The following NYAP2 variants were observed in gnomAD, a reference collection of about 807,000 sequenced individuals.
NYAP2 encodes neuronal tyrosine-phosphorylated phosphoinositide-3-kinase adapter 2.
NYAP2 carries 23 observed loss-of-function variants against 50.4 expected under a neutral mutation model. The ratio of observed to expected loss-of-function variants is 0.46; its 90% CI spans 0.33 to 0.65. The LOEUF (loss-of-function observed/expected upper bound fraction) is 0.65, where lower values mean the gene tolerates loss of function less well. NYAP2 is among the 30% of genes least tolerant of loss of function. NYAP2 has a pLI of 0.02. For synonymous variants in NYAP2, 394 were observed against 365.2 expected (o/e 1.08, Z -0.90); for missense variants, 885 against 861.0 (o/e 1.03, Z -0.35).
At chr2:225,598,061 TC>T (rs973954905) in intron 5 of NYAP2, among the ~76,000 whole-genome samples, 3 of 152,098 alleles carry the variant, frequency 2.0e-5, no homozygotes, top group Non-Finnish European at 4.4e-5. Context: ...CATTCTCTGT[TC>T]CCACAGGAGG....
the NYAP2 span, among the ~76,000 whole-genome samples, chr2:225,682,408 T>A: frequency 2.0e-5 from 3 of 152,308 alleles, no homozygotes; most frequent in African/African-American, 4.8e-5. Context: ...GAGAGTGTTA[T>A]AATTTTTTGG....
At chr2:225,596,648 C>T (rs890087173) in intron 5 of NYAP2, among the ~76,000 whole-genome samples, 3 of 152,002 alleles carry the variant, frequency 2.0e-5, no homozygotes, top group African/African-American at 7.3e-5. Context: ...AATAGAATTG[C>T]CATGATTAAC....
At chr2:225,638,362 T>C (rs907664017) in intron 6 of NYAP2, among the ~76,000 whole-genome samples, 3 of 151,812 alleles carry the variant, frequency 2.0e-5, no homozygotes, top group Non-Finnish European at 4.4e-5. Context: ...GTTTGAGGGA[T>C]AGAGTGGAAG....
intron 3 of NYAP2, among the ~76,000 whole-genome samples, chr2:225,496,055 T>G (rs1963400): frequency 0.21 from 32,019 of 152,140 alleles, 4,488 homozygotes; most frequent in African/African-American, 0.4. Flanking sequence ...ATCACAAAAT[T>G]TAAGCTGCAT....
At chr2:225,555,651 G>A (rs1691763321) in intron 4 of NYAP2, among the ~76,000 whole-genome samples, 9 of 152,138 alleles carry the variant, frequency 5.9e-5, no homozygotes. Context: ...AGGCTTTCCT[G>A]AACACACAGA....
intron 3 of NYAP2, among the ~76,000 whole-genome samples, chr2:225,413,551 AC>A (rs1695079338): frequency 1.3e-5 from 2 of 152,124 alleles, no homozygotes; most frequent in South Asian, 4.1e-4. Context: ...ATTTCCTCAA[AC>A]TACAATTTTG....
intron 4 of NYAP2, among the ~76,000 whole-genome samples, chr2:225,534,582 AAG>A (rs1691314314): frequency 6.6e-6 from 1 of 152,210 alleles, no homozygotes; most frequent in Non-Finnish European, 1.5e-5. Flanking sequence ...GAAAAATCCA[AAG>A]CAAGGTAAAG....
intron 4 of NYAP2, among the ~76,000 whole-genome samples, chr2:225,576,284 G>A (rs966088562): frequency 3.3e-5 from 5 of 152,162 alleles, no homozygotes; most frequent in Non-Finnish European, 5.9e-5. Context: ...TTTCACTGTC[G>A]CCAGATCCAG....
intron 4 of NYAP2, among the ~76,000 whole-genome samples, chr2:225,576,121 C>T (rs1692166153): frequency 6.6e-6 from 1 of 152,194 alleles, no homozygotes; most frequent in Admixed American, 6.5e-5. Flanking sequence ...CAATGTTCTG[C>T]ATCCTGACTG....
chr2:225,422,163 A>T (rs1356289073), intron 3 of NYAP2, among the ~76,000 whole-genome samples: 1 of 152,236 alleles, frequency 6.6e-6, no homozygotes, highest in African/African-American at 2.4e-5. Context: ...GGAGAGGAAC[A>T]CATTTTCAAA....
At chr2:225,638,990 G>A (rs1219564944) in intron 6 of NYAP2, among the ~76,000 whole-genome samples, 2 of 151,980 alleles carry the variant, frequency 1.3e-5, no homozygotes, top group African/African-American at 4.8e-5. Context: ...GTAAGTAACT[G>A]GGCACTTAAG....
intron 4 of NYAP2, among the ~76,000 whole-genome samples, chr2:225,569,139 T>C (rs1232030012): frequency 3.9e-5 from 6 of 152,148 alleles, no homozygotes; most frequent in Admixed American, 1.3e-4. Context: ...TAAAGTGGCC[T>C]GGGATGAAGT....
At chr2:225,637,906 TAATAGAAGA>T in intron 6 of NYAP2, among the ~76,000 whole-genome samples, 1 of 152,192 alleles carries the variant, frequency 6.6e-6, no homozygotes, top group East Asian at 1.9e-4. Flanking sequence ...AATTACAAAA[TAATAGAAGA>T]TAATGACTCT....
intron 2 of NYAP2, among the ~76,000 whole-genome samples, chr2:225,403,652 A>C (rs890633594): frequency 1.3e-5 from 2 of 151,946 alleles, no homozygotes; most frequent in Non-Finnish European, 2.9e-5. Flanking sequence ...ACAACTTTAT[A>C]TCTTGGAAAA....
chr2:225,603,240 T>C (rs1251242292), intron 5 of NYAP2, among the ~76,000 whole-genome samples: 2 of 152,200 alleles, frequency 1.3e-5, no homozygotes, highest in African/African-American at 2.4e-5. Flanking sequence ...TTTCATTCGT[T>C]CAATAAATGT....
chr2:225,428,804 A>G (rs1695324066), intron 3 of NYAP2, among the ~76,000 whole-genome samples: 1 of 152,218 alleles, frequency 6.6e-6, no homozygotes, highest in Non-Finnish European at 1.5e-5. Context: ...ATACACAGTA[A>G]AACTTCAAGA....
At chr2:225,489,246 A>C (rs1201882112) in intron 3 of NYAP2, among the ~76,000 whole-genome samples, 1 of 151,544 alleles carries the variant, frequency 6.6e-6, no homozygotes, top group Admixed American at 6.6e-5. Context: ...GCTGGAGTGC[A>C]GTGATGATGC....
intron 4 of NYAP2, among the ~76,000 whole-genome samples, chr2:225,548,675 G>A (rs1691623607): frequency 6.6e-6 from 1 of 151,882 alleles, no homozygotes; most frequent in African/African-American, 2.4e-5. Context: ...GATAAGGAAG[G>A]GAATAAACCA....
rs200675493 is a variant in NYAP2 at position 225,592,682 on chromosome 2, A to G, written c.1618+9647A>G. Among the ~76,000 whole-genome samples the G allele has an allele frequency of 1.1e-4, 17 of 152,278 alleles. 1 individual carries two copies. The East Asian group carries it at 1.9e-3, about 17-fold the overall frequency. On this transcript the variant is annotated intron_variant, in intron 5 of 6. Transcript: ENST00000636099. ...ATTGTCTGTTTTTCTCATTTAGTTT[A>G]TCCTAGAATTGCAATATAGAATCAC...
Sources: gnomAD v4.1 joint callset for allele counts (sites outside exome capture counted in the v4.1 genomes callset) on GRCh38, gnomAD v4.1.1 for gene constraint, MANE v1.5 for transcripts, NCBI Gene and HGNC (gene_info 2026-07-23, HGNC 2026-07-21) for gene names.